TRPS1: variants seen among roughly 807,000 people sequenced by gnomAD.
The protein encoded by TRPS1 is transcriptional repressor GATA binding 1, also known as zinc finger transcription factor Trps1.
Under a neutral mutation model 101.2 loss-of-function variants are expected in TRPS1, and 6 were observed. That is an observed-to-expected ratio of 0.06 (90% CI 0.03 to 0.12). TRPS1 has a LOEUF of 0.12. Ranked by LOEUF, TRPS1 falls within the 10% of genes least tolerant of loss-of-function variation. The pLI, the probability that TRPS1 is intolerant of heterozygous loss-of-function variation, is 1.00. For synonymous variants in TRPS1, 578 were observed against 589.8 expected (o/e 0.98, Z 0.29); for missense variants, 1,363 against 1,567.0 (o/e 0.87, Z 2.20).
At chr8:115,421,668 A>G (rs1813064346) in intron 5 of TRPS1, among the ~76,000 whole-genome samples, 1 of 152,208 alleles carries the variant, frequency 6.6e-6, no homozygotes, top group South Asian at 2.1e-4. Context: ...GTACTTTGGT[A>G]AGCCTAGTCG....
intron 4 of TRPS1, among the ~76,000 whole-genome samples, chr8:115,588,130 T>C (rs1432356806): frequency 1.3e-5 from 2 of 152,228 alleles, no homozygotes; most frequent in Non-Finnish European, 2.9e-5. Flanking sequence ...CAATTTCTAA[T>C]GCTGAAATGC....
At chr8:115,608,773 T>C (rs1818097318) in intron 3 of TRPS1, among the ~76,000 whole-genome samples, 1 of 151,752 alleles carries the variant, frequency 6.6e-6, no homozygotes, top group South Asian at 2.1e-4. Context: ...AAGAACTGTT[T>C]TTTAAATTTA....
At chr8:115,441,557 G>T (rs115242756) in intron 5 of TRPS1, among the ~76,000 whole-genome samples, 1 of 152,114 alleles carries the variant, frequency 6.6e-6, no homozygotes, top group East Asian at 1.9e-4. Context: ...TTTTCCTAAA[G>T]TGTCTCCCTT....
chr8:115,563,248 A>AT (rs1816990388), intron 5 of TRPS1, among the ~76,000 whole-genome samples: 1 of 151,766 alleles, frequency 6.6e-6, no homozygotes, highest in Admixed American at 6.6e-5. Flanking sequence ...TCTTAGGAAG[A>AT]TTTTTTTCTT....
intron 5 of TRPS1, among the ~76,000 whole-genome samples, chr8:115,562,932 CCTCT>C (rs1209491990): frequency 9.5e-6 from 1 of 104,816 alleles, no homozygotes; most frequent in Admixed American, 9.9e-5. Context: ...GTGTGGTGTT[CCTCT>C]CTCTCCATTA....
chr8:115,459,024 C>T (rs553309093), intron 5 of TRPS1, among the ~76,000 whole-genome samples: 19 of 152,192 alleles, frequency 1.2e-4, no homozygotes, highest in African/African-American at 3.6e-4. Flanking sequence ...ATTTTGTTCA[C>T]GTCTTGGAGG....
At chr8:115,631,233 G>A (rs1452481123) in intron 1 of TRPS1, among the ~76,000 whole-genome samples, 7 of 152,012 alleles carry the variant, frequency 4.6e-5, no homozygotes, top group Non-Finnish European at 8.8e-5. Flanking sequence ...ACTTCACACA[G>A]AATTATGTGT....
At chr8:115,662,793 A>G (rs190580523) in intron 1 of TRPS1, among the ~76,000 whole-genome samples, 25 of 152,128 alleles carry the variant, frequency 1.6e-4, no homozygotes, top group African/African-American at 5.8e-4. Flanking sequence ...GTAGAAACGC[A>G]CTGACCCTTA....
chr8:115,593,879 T>A (rs1209986573), intron 4 of TRPS1, among the ~76,000 whole-genome samples: 3 of 152,182 alleles, frequency 2.0e-5, no homozygotes, highest in African/African-American at 4.8e-5. Context: ...TCAATTTTTT[T>A]AATCACAGAT....
chr8:115,455,958 G>C (rs1221978592), intron 5 of TRPS1, among the ~76,000 whole-genome samples: 1 of 151,350 alleles, frequency 6.6e-6, no homozygotes, highest in Non-Finnish European at 1.5e-5. Flanking sequence ...CTAATTTTTT[G>C]TATTTTTAGT....
chr8:115,419,491 T>G (rs1813000685), intron 5 of TRPS1, among the ~76,000 whole-genome samples: 2 of 152,190 alleles, frequency 1.3e-5, no homozygotes, highest in African/African-American at 4.8e-5. Context: ...AAAGTCTTGC[T>G]GGAACCTAAT....
chr8:115,593,569 A>G (rs577466100), intron 4 of TRPS1, among the ~76,000 whole-genome samples: 1 of 152,296 alleles, frequency 6.6e-6, no homozygotes, highest in South Asian at 2.1e-4. Flanking sequence ...CTTCAATGTA[A>G]TGTCACACTT....
chr8:115,544,360 G>GGAAT (rs1384103483), intron 5 of TRPS1, among the ~76,000 whole-genome samples: 3 of 151,656 alleles, frequency 2.0e-5, no homozygotes, highest in African/African-American at 7.3e-5. Context: ...CTGACCCTGA[G>GGAAT]GAATGTCATG....
intron 5 of TRPS1, among the ~76,000 whole-genome samples, chr8:115,533,451 T>G (rs994887914): frequency 7.4e-6 from 1 of 134,502 alleles, no homozygotes; most frequent in Admixed American, 7.4e-5. Context: ...TTTTTTTTTT[T>G]TTTTTTTTCC....
chr8:115,447,631 G>A (rs951779031), intron 5 of TRPS1, among the ~76,000 whole-genome samples: 8 of 151,888 alleles, frequency 5.3e-5, no homozygotes, highest in African/African-American at 1.7e-4. Flanking sequence ...AAAAACTTCA[G>A]TTACACTTTA....
intron 5 of TRPS1, among the ~76,000 whole-genome samples, chr8:115,529,401 G>A (rs955455409): frequency 1.3e-5 from 2 of 151,950 alleles, no homozygotes; most frequent in African/African-American, 4.8e-5. Flanking sequence ...AAAATTACAC[G>A]ATATATATTT....
At chr8:115,441,880 A>AGG in intron 5 of TRPS1, among the ~76,000 whole-genome samples, 2 of 137,408 alleles carry the variant, frequency 1.5e-5, no homozygotes, top group East Asian at 4.2e-4. Flanking sequence ...AGAGAGAGAG[A>AGG]GAGAGAGAGA....
chr8:115,590,321 C>T (rs1817653124), intron 4 of TRPS1, among the ~76,000 whole-genome samples: 1 of 152,166 alleles, frequency 6.6e-6, no homozygotes, highest in Non-Finnish European at 1.5e-5. Flanking sequence ...TTATAATGGA[C>T]TCACTGTCCA....
intron 5 of TRPS1, among the ~76,000 whole-genome samples, chr8:115,487,173 G>A (rs1046900752): frequency 4.6e-5 from 7 of 151,968 alleles, no homozygotes; most frequent in Non-Finnish European, 8.8e-5. Flanking sequence ...TCTGTAATGG[G>A]ACAGCAAAGC....
Sources: allele counts gnomAD v4.1 joint callset (sites outside exome capture counted in the v4.1 genomes callset), GRCh38; gene constraint gnomAD v4.1.1; transcripts MANE v1.5; gene names NCBI Gene and HGNC (gene_info 2026-07-23, HGNC 2026-07-21).